The following KCNIP4 variants were observed in gnomAD, a reference collection of about 807,000 sequenced individuals.
KCNIP4 encodes the protein Kv channel-interacting protein 4.
A neutral mutation model predicts 34.0 loss-of-function variants in KCNIP4; 12 were observed. That is an observed-to-expected ratio of 0.35 (90% CI 0.23 to 0.57). The LOEUF is 0.57. KCNIP4 is among the 20% of genes least tolerant of loss of function. The pLI is 0.83. For missense variants in KCNIP4, 238 were observed against 311.7 expected, an observed-to-expected ratio of 0.76 and a Z score of 1.78; for synonymous variants, 124 against 102.2, an observed-to-expected ratio of 1.21 and a Z score of -1.29.
chr4:21,627,723 T>C lies in KCNIP4; in HGVS notation c.61+320848A>G, dbSNP rs555040132. On this transcript the variant is annotated intron_variant, in intron 1 of 8. Coordinates refer to ENST00000382152, the MANE Select transcript of KCNIP4 (RefSeq NM_025221.6). ...AATTTACTTAAGGCCTCCTGGATGT[T>C]GATCTTTTCACACTGAAGCTGATTT... Among the ~76,000 whole-genome samples, 8 of 152,322 alleles carry C rather than the reference T, an allele frequency of 5.3e-5. No homozygotes were observed. In the South Asian group the frequency reaches 1.7e-3, roughly 32 times the overall value.
intron 1 of KCNIP4, among the ~76,000 whole-genome samples, chr4:20,913,015 A>G (rs1012070104): frequency 3.9e-5 from 6 of 152,160 alleles, no homozygotes; most frequent in Non-Finnish European, 5.9e-5. Context: ...TGACCCTGAC[A>G]TTTCAATCCT....
chr4:21,734,520 G>A (rs951375279), intron 1 of KCNIP4, among the ~76,000 whole-genome samples: 5 of 152,118 alleles, frequency 3.3e-5, no homozygotes, highest in Non-Finnish European at 7.4e-5. Flanking sequence ...TGAGTTAGAA[G>A]TAAAAAGTAA....
chr4:21,423,034 C>T lies in KCNIP4; in HGVS notation c.61+525537G>A, dbSNP rs533265807. 2.6e-5 allele frequency among the ~76,000 whole-genome samples: 4 copies of T among 152,292 alleles called. No individual in the cohort carries two copies. In the East Asian group the frequency reaches 5.8e-4, roughly 22 times the overall value. On this transcript the variant is annotated intron_variant, in intron 1 of 8. Transcript: ENST00000382152. ...TTATGCCCAACTTTATCTCAGTAGGCTACAGTTCAACATAACCAGGGCCCA... is the reference window on the plus strand; with the variant it reads ...TTATGCCCAACTTTATCTCAGTAGGTTACAGTTCAACATAACCAGGGCCCA...
intron 1 of KCNIP4, among the ~76,000 whole-genome samples, chr4:21,366,535 C>T (rs895701446): frequency 7.2e-5 from 11 of 152,150 alleles, no homozygotes; most frequent in Non-Finnish European, 1.2e-4. Flanking sequence ...AGAGCACTAA[C>T]GATGGGACTG....
intron 1 of KCNIP4, among the ~76,000 whole-genome samples, chr4:21,567,199 G>A (rs998612765): frequency 6.6e-6 from 1 of 151,982 alleles, no homozygotes; most frequent in Non-Finnish European, 1.5e-5. Context: ...ATTAAGATTA[G>A]CAAGTACCCA....
chr4:20,753,231 T>G (rs1753949885), intron 4 of KCNIP4, among the ~76,000 whole-genome samples: 1 of 152,128 alleles, frequency 6.6e-6, no homozygotes, highest in South Asian at 2.1e-4. Flanking sequence ...CCTAGTTAGT[T>G]CATGGTAAAG....
chr4:21,249,063 C>T (rs557818761), intron 1 of KCNIP4, among the ~76,000 whole-genome samples: 11 of 152,094 alleles, frequency 7.2e-5, no homozygotes, highest in South Asian at 6.2e-4. Flanking sequence ...ACTAGAAATT[C>T]GTATTTTCTT....
chr4:21,293,524 G>T (rs987403863), intron 1 of KCNIP4, among the ~76,000 whole-genome samples: 4 of 152,142 alleles, frequency 2.6e-5, no homozygotes, highest in Non-Finnish European at 5.9e-5. Flanking sequence ...CATCCTAATT[G>T]TGTCAGGCAT....
rs10686415 is a variant in KCNIP4, at chr4:20,905,509, C to CTTTTTTT, written c.62-22807_62-22801dup. Among the ~76,000 whole-genome samples, 151 of 72,716 alleles carry CTTTTTTT rather than the reference C, an allele frequency of 2.1e-3. 7 individuals are homozygous for CTTTTTTT. Among genetic ancestry groups the CTTTTTTT allele is most frequent in the East Asian group, 3.3e-3 (7 of 2,100 alleles). The allele number at this position is 72,716 out of a possible 152,430, so 47.7% of individuals were successfully genotyped here. ...ACACAGGTAGTTGAACGTTTTCTTTCTTTTTTTTTTTTTTTTGTTTGAGAT... is the reference window on the plus strand; with the variant it reads ...ACACAGGTAGTTGAACGTTTTCTTTCTTTTTTTTTTTTTTTTTTTTTTTGTTTGAGAT... On this transcript the variant is annotated intron_variant, in intron 1 of 8. Transcript: ENST00000382152.
At chr4:21,426,776 A>AG in intron 1 of KCNIP4, among the ~76,000 whole-genome samples, 1 of 151,930 alleles carries the variant, frequency 6.6e-6, no homozygotes, top group East Asian at 1.9e-4. Context: ...AAAAAAAAAA[A>AG]TTAGTTTTAA....
chr4:20,804,211 C>A (rs747998597), intron 3 of KCNIP4, among the ~76,000 whole-genome samples: 2 of 152,056 alleles, frequency 1.3e-5, no homozygotes, highest in Non-Finnish European at 2.9e-5. Flanking sequence ...GTTATTTTAC[C>A]CATTTTGCAG....
At chr4:21,386,197 G>A (rs1030579944) in intron 1 of KCNIP4, among the ~76,000 whole-genome samples, 5 of 152,070 alleles carry the variant, frequency 3.3e-5, no homozygotes, top group East Asian at 1.9e-4. Flanking sequence ...TTCTTAAGGC[G>A]GAATTACCTT....
At chr4:21,303,389 C>T (rs1436707236) in intron 1 of KCNIP4, among the ~76,000 whole-genome samples, 1 of 152,168 alleles carries the variant, frequency 6.6e-6, no homozygotes, top group African/African-American at 2.4e-5. Context: ...TATTTATTTC[C>T]ATTTGATCAA....
intron 1 of KCNIP4, among the ~76,000 whole-genome samples, chr4:21,055,308 C>T (rs138866679): frequency 9.9e-4 from 151 of 152,284 alleles, no homozygotes; most frequent in African/African-American, 3.3e-3. Flanking sequence ...AACTCCTATG[C>T]ATTGCTGTTG....
chr4:21,048,345 G>T (rs1015628446), intron 1 of KCNIP4, among the ~76,000 whole-genome samples: 9 of 152,118 alleles, frequency 5.9e-5, no homozygotes, highest in South Asian at 2.1e-4. Flanking sequence ...CTGTTCACTG[G>T]CTTGGCTTGA....
At chr4:21,653,266 T>C (rs1199241455) in intron 1 of KCNIP4, among the ~76,000 whole-genome samples, 1 of 152,212 alleles carries the variant, frequency 6.6e-6, no homozygotes, top group African/African-American at 2.4e-5. Flanking sequence ...AAATTCCATT[T>C]CTACAGCTTA....
chr4:20,751,922 G>A (rs1753708559), intron 4 of KCNIP4, among the ~76,000 whole-genome samples: 1 of 152,150 alleles, frequency 6.6e-6, no homozygotes, highest in Non-Finnish European at 1.5e-5. Flanking sequence ...GCATAGTGGA[G>A]TCAGACTGCC....
intron 1 of KCNIP4, among the ~76,000 whole-genome samples, chr4:21,610,254 T>A (rs1457433528): frequency 6.6e-6 from 1 of 152,206 alleles, no homozygotes; most frequent in Non-Finnish European, 1.5e-5. Flanking sequence ...AATCAAGATG[T>A]CAGTGGGGTA....
chr4:21,682,733 C>G (rs889953142), intron 1 of KCNIP4, among the ~76,000 whole-genome samples: 1 of 151,996 alleles, frequency 6.6e-6, no homozygotes, highest in Non-Finnish European at 1.5e-5. Flanking sequence ...AATTGTAATA[C>G]TGTTGTATCT....
Sources: allele counts gnomAD v4.1 joint callset (sites outside exome capture counted in the v4.1 genomes callset), GRCh38; gene constraint gnomAD v4.1.1; transcripts MANE v1.5; gene names NCBI Gene and HGNC (gene_info 2026-07-23, HGNC 2026-07-21).